The following LMF1 variants were observed in gnomAD, a reference collection of about 807,000 sequenced individuals.
The protein encoded by LMF1 is lipase maturation factor 1, also known as transmembrane protein 112.
In LMF1, 68 loss-of-function variants were observed where a neutral mutation model predicts 60.6. The ratio of observed to expected loss-of-function variants is 1.12; its 90% CI spans 0.92 to 1.37. The LOEUF (loss-of-function observed/expected upper bound fraction) is 1.37, where lower values mean the gene tolerates loss of function less well. Ranked by LOEUF, LMF1 falls within the 40% of genes most tolerant of loss-of-function variation. The pLI, the probability that LMF1 is intolerant of heterozygous loss-of-function variation, is 0.00. For synonymous variants in LMF1, 418 were observed against 324.7 expected (o/e 1.29, Z -3.09); for missense variants, 948 against 767.2 (o/e 1.24, Z -2.78).
At chr16:890,561 G>A (rs1046480270) in intron 5 of LMF1, among the ~76,000 whole-genome samples, 1 of 151,968 alleles carries the variant, frequency 6.6e-6, no homozygotes, top group African/African-American at 2.4e-5. Context: ...GATGATAAGG[G>A]CCCTGACCTC....
chr16:937,112 C>T (rs9328930), intron 2 of LMF1, among the ~76,000 whole-genome samples: 73,893 of 151,684 alleles, frequency 0.49, 19,985 homozygotes, highest in African/African-American at 0.73. Flanking sequence ...TGAGGGTGTT[C>T]GAAAATGCAT....
chr16:862,269 G>A (rs774301979), intron 10 of LMF1, among the ~76,000 whole-genome samples: 6 of 151,404 alleles, frequency 4.0e-5, no homozygotes, highest in Non-Finnish European at 7.4e-5. Flanking sequence ...TCCACCTGCC[G>A]AGTAGTTGGG....
At chr16:895,667 G>C (rs113201440) in intron 4 of LMF1, among the ~76,000 whole-genome samples, 4,696 of 152,272 alleles carry the variant, frequency 0.031, 108 homozygotes, top group Middle Eastern at 0.061. Flanking sequence ...GCGCCCTGAA[G>C]GACGGCACGT....
chr16:922,701 G>C (rs1319678207), intron 3 of LMF1, among the ~76,000 whole-genome samples: 1 of 144,300 alleles, frequency 6.9e-6, no homozygotes, highest in Non-Finnish European at 1.5e-5. Flanking sequence ...TGTTGCGAAG[G>C]CCCTGTGTGA....
At chr16:967,910 C>T (rs2072958743) in intron 1 of LMF1, among the ~76,000 whole-genome samples, 1 of 152,252 alleles carries the variant, frequency 6.6e-6, no homozygotes, top group Non-Finnish European at 1.5e-5. Context: ...GCTACTTCAG[C>T]ATCTGCTCAA....
intron 2 of LMF1, chr16:934,494 C>A: frequency 1.8e-6 from 1 of 542,614 alleles, no homozygotes; most frequent in Non-Finnish European, 3.3e-6. Flanking sequence ...TACTAAGTAC[C>A]CATAGAAATA....
intron 1 of LMF1, among the ~76,000 whole-genome samples, chr16:965,623 A>G (rs897793370): frequency 1.3e-5 from 2 of 152,198 alleles, no homozygotes; most frequent in Non-Finnish European, 2.9e-5. Flanking sequence ...AGATCCGGGC[A>G]AGTTGGTCCT....
At chr16:979,956 G>A (rs1479220026) in intron 1 of LMF1, 2 of 355,580 alleles carry the variant, frequency 5.6e-6, no homozygotes, top group African/African-American at 2.1e-5. Flanking sequence ...CCTCCAGGGG[G>A]AAGAGGCACT....
chr16:924,873 G>T lies in LMF1; in HGVS notation c.514+9371C>A, dbSNP rs142805338. Among the ~76,000 whole-genome samples the T allele has an allele frequency of 9.2e-3, 1,401 of 152,386 alleles. 13 individuals carry two copies. Among genetic ancestry groups the T allele is most frequent in the African/African-American group, 0.027 (1,110 of 41,588 alleles). On this transcript the variant is annotated intron_variant, in intron 3 of 10. Transcript: ENST00000262301. ...AAAGGGGATGATCTATGGCGGTTTA[G>T]GCAAGGGAGAGTGAGGAAAAGGAGG...
chr16:893,326 T>G, intron 4 of LMF1: 1 of 596,226 alleles, frequency 1.7e-6, no homozygotes. Context: ...CCTTTGCGCC[T>G]TCCCCAACAC....
chr16:876,525 G>A (rs1051472401), intron 6 of LMF1, among the ~76,000 whole-genome samples: 5 of 152,324 alleles, frequency 3.3e-5, no homozygotes, highest in South Asian at 2.1e-4. Context: ...GATGCAAGAC[G>A]CTGAGCGCAG....
chr16:940,469 C>A (rs1320558129), intron 2 of LMF1, among the ~76,000 whole-genome samples: 1 of 152,086 alleles, frequency 6.6e-6, no homozygotes, highest in Non-Finnish European at 1.5e-5. Context: ...AGCGTCCTGC[C>A]TGGGACGACG....
rs1405689056 is a variant in LMF1 at position 870,154 on chromosome 16, C to G, written c.1233-88G>C. The G allele has an allele frequency of 2.8e-6, 4 of 1,422,860 alleles. No individual in the cohort carries two copies. In the East Asian group the frequency reaches 7.3e-5, roughly 26 times the overall value. The allele number at this position is 1,422,860 out of a possible 1,614,324, so 88.1% of individuals were successfully genotyped here. ...TGGGTGGGGGGGGTTCCCCGACTGT[C>G]CATCCTGGCCCAGGGGGAGGGCTAC... On this transcript the variant is annotated intron_variant, in intron 8 of 10. Transcript: ENST00000262301.
chr16:860,567 C>G (rs1188616706), intron 10 of LMF1, among the ~76,000 whole-genome samples: 1 of 152,112 alleles, frequency 6.6e-6, no homozygotes, highest in Non-Finnish European at 1.5e-5. Context: ...TCTCAAACTC[C>G]TGAGGTCAAG....
rs748153798 is a variant in LMF1 at position 954,463 on chromosome 16, C to T, written c.397G>A (p.Gly133Arg). ...AGTACGAAAGACGAGATGCCCAGTC[C>T]GAGAAGAGCCAGCAAGTCCAGGTTG... ...NSNLDLLALL[G>R]LGISSFVLIT... The change falls in exon 2 of 11, where the codon GGA (glycine) becomes AGA (arginine). Residue 133 changes from glycine (G) to arginine (R), a missense_variant. By Grantham distance (125) the Gly-to-Arg change is moderately radical (BLOSUM62 -2). Transcript: ENST00000262301. The T allele has an allele frequency of 1.2e-5, 19 of 1,612,548 alleles. No homozygotes were observed. In the African/African-American group the frequency reaches 1.5e-4, roughly 12 times the overall value.
intron 10 of LMF1, 173 bp from the exon 11 acceptor site, chr16:854,879 C>T (rs2069145880): frequency 3.0e-6 from 2 of 665,192 alleles, no homozygotes; most frequent in Non-Finnish European, 5.4e-6. Flanking sequence ...CCGGGCAGGG[C>T]AACTGTTCCA....
Position 860,023 on chromosome 16 carries a change from C to T in LMF1, c.1530-5317G>A, listed in dbSNP as rs1448103665. ...TTTGCTTCTCTAATGACAGGCATTT[C>T]TCCTGAGCTTATCTGTCATCTGTGC... On this transcript the variant is annotated intron_variant, in intron 10 of 10. Transcript: ENST00000262301. Among the ~76,000 whole-genome samples, 16 of 151,540 alleles carry T rather than the reference C, an allele frequency of 1.1e-4. No homozygotes were observed. The East Asian group carries it at 2.9e-3, about 27-fold the overall frequency.
chr16:917,937 A>G (rs970336690), intron 3 of LMF1, among the ~76,000 whole-genome samples: 2 of 152,168 alleles, frequency 1.3e-5, no homozygotes, highest in African/African-American at 2.4e-5. Context: ...CCCGCTGGCC[A>G]TGTCTCACGT....
chr16:928,693 C>T (rs530089434), intron 3 of LMF1, among the ~76,000 whole-genome samples: 6 of 151,796 alleles, frequency 4.0e-5, no homozygotes, highest in South Asian at 2.1e-4. Context: ...CACGCCCCCA[C>T]GAGCCCCTCC....
Sources: allele counts gnomAD v4.1 joint callset (sites outside exome capture counted in the v4.1 genomes callset), GRCh38; gene constraint gnomAD v4.1.1; transcripts MANE v1.5; gene names NCBI Gene and HGNC (gene_info 2026-07-23, HGNC 2026-07-21).